ROBO1: variants seen among roughly 807,000 people sequenced by gnomAD.
The protein encoded by ROBO1 is roundabout guidance receptor 1, also known as roundabout homolog 1.
Under a neutral mutation model 195.9 loss-of-function variants are expected in ROBO1, and 149 were observed. That is an observed-to-expected ratio of 0.76 (90% CI 0.67 to 0.87). ROBO1 has a LOEUF of 0.87. ROBO1 is among the 40% of genes least tolerant of loss of function. The pLI is 0.00. For synonymous variants in ROBO1, 816 were observed against 733.2 expected, an observed-to-expected ratio of 1.11 and a Z score of -1.82; for missense variants, 1,933 against 2,068.3, an observed-to-expected ratio of 0.93 and a Z score of 1.27.
At chr3:78,931,492 C>T (rs2039531001) in intron 4 of ROBO1, among the ~76,000 whole-genome samples, 1 of 151,958 alleles carries the variant, frequency 6.6e-6, no homozygotes, top group Non-Finnish European at 1.5e-5. Context: ...GCGATCTGCC[C>T]ACCTCGGCCT....
chr3:79,644,699 A>G (rs1945766629), intron 1 of ROBO1, among the ~76,000 whole-genome samples: 1 of 152,150 alleles, frequency 6.6e-6, no homozygotes, highest in South Asian at 2.1e-4. Flanking sequence ...AATCATATTA[A>G]CATACTAGAC....
At chr3:79,464,968 C>T (rs1937876276) in intron 2 of ROBO1, among the ~76,000 whole-genome samples, 1 of 152,094 alleles carries the variant, frequency 6.6e-6, no homozygotes, top group African/African-American at 2.4e-5. Flanking sequence ...GATTAGAAAG[C>T]AAAGAGGAGA....
At chr3:78,794,036 A>G (rs1168461683) in intron 4 of ROBO1, among the ~76,000 whole-genome samples, 1 of 152,206 alleles carries the variant, frequency 6.6e-6, no homozygotes, top group East Asian at 1.9e-4. Context: ...TGGTCAAATC[A>G]TTTCATATCA....
rs1946565582 is a variant in ROBO1 at position 79,669,340 on chromosome 3, C to A, written c.-50-79379G>T. On this transcript the variant is annotated intron_variant, in intron 1 of 30. Coordinates refer to ENST00000464233, the MANE Select transcript of ROBO1 (RefSeq NM_002941.4). ...CATGTGGAACTGTAAGTAAATTAAA[C>A]CTCTTTGTCTTCCCAGTCTCATACG... is the stretch of plus-strand genomic sequence containing the variant. 1.3e-5 allele frequency among the ~76,000 whole-genome samples: 2 copies of A among 151,848 alleles called. 1 individual carries two copies. Among genetic ancestry groups the A allele is most frequent in the South Asian group, 4.1e-4 (2 of 4,826 alleles).
At chr3:79,559,715 G>A (rs1484372204) in intron 2 of ROBO1, among the ~76,000 whole-genome samples, 4 of 152,060 alleles carry the variant, frequency 2.6e-5, no homozygotes, top group African/African-American at 4.8e-5. Context: ...TCAGGATTTC[G>A]AGACCAGCCT....
rs949212009 is a variant in ROBO1, at chr3:79,454,131, C to T, written c.88+135693G>A. Among the ~76,000 whole-genome samples, 40 of 141,910 alleles carry T rather than the reference C, an allele frequency of 2.8e-4. No individual in the cohort carries two copies. The East Asian group carries it at 7.5e-3, about 26-fold the overall frequency. The allele number at this position is 141,910 out of a possible 152,430, so 93.1% of individuals were successfully genotyped here. A position where few individuals can be genotyped will look rare whatever the true frequency, so the allele number is the denominator to read the frequency against. On this transcript the variant is annotated intron_variant, in intron 2 of 30. Transcript: ENST00000464233. ...AGTTCTAGATTAATTAATTTCATTC[C>T]TTTTTTTTTTTTTTCTCCAAAACAT... is the stretch of plus-strand genomic sequence containing the variant.
chr3:79,355,236 AT>A (rs529800055), intron 2 of ROBO1, among the ~76,000 whole-genome samples: 70 of 152,232 alleles, frequency 4.6e-4, no homozygotes, highest in African/African-American at 1.7e-3. Context: ...ATTTAAAAAA[AT>A]ACTACTAATT....
intron 3 of ROBO1, among the ~76,000 whole-genome samples, chr3:79,096,712 A>G (rs1337542816): frequency 7.3e-5 from 11 of 150,660 alleles, no homozygotes; most frequent in African/African-American, 2.4e-4. Context: ...ATATATGTAT[A>G]TATACATATA....
chr3:79,346,780 T>C (rs1023401072), intron 2 of ROBO1, among the ~76,000 whole-genome samples: 2 of 151,932 alleles, frequency 1.3e-5, no homozygotes, highest in Non-Finnish European at 2.9e-5. Flanking sequence ...ACGTCATTTT[T>C]AAAACTGATC....
At chr3:79,226,463 G>A (rs913281184) in intron 2 of ROBO1, among the ~76,000 whole-genome samples, 3 of 151,826 alleles carry the variant, frequency 2.0e-5, no homozygotes, top group African/African-American at 7.3e-5. Flanking sequence ...CTGTATAGAC[G>A]ATTCTAGCTC....
intron 3 of ROBO1, among the ~76,000 whole-genome samples, chr3:79,085,099 T>C (rs1399444580): frequency 1.3e-5 from 2 of 152,152 alleles, no homozygotes; most frequent in African/African-American, 2.4e-5. Context: ...GTTTGAGAAA[T>C]GTACCTTTGG....
intron 2 of ROBO1, among the ~76,000 whole-genome samples, chr3:79,421,319 A>G (rs573421275): frequency 6.6e-5 from 10 of 152,066 alleles, no homozygotes; most frequent in African/African-American, 2.4e-4. Context: ...ATAAACCCCC[A>G]TGACACACAA....
At chr3:78,692,311 C>T (rs1279171049) in intron 8 of ROBO1, among the ~76,000 whole-genome samples, 1 of 151,940 alleles carries the variant, frequency 6.6e-6, no homozygotes, top group African/African-American at 2.4e-5. Flanking sequence ...ACTCTGTTGC[C>T]CAGGCTGGAG....
chr3:79,492,581 T>C (rs982068464), intron 2 of ROBO1, among the ~76,000 whole-genome samples: 2 of 151,994 alleles, frequency 1.3e-5, no homozygotes, highest in African/African-American at 4.8e-5. Flanking sequence ...CACACATATA[T>C]AAATAAATGT....
Position 78,938,687 on chromosome 3 carries a change from C to G in ROBO1, c.413G>C (p.Ser138Thr), listed in dbSNP as rs1189813626. ...GACATAGACTCCTTCATCAGGTCTACTTTTCCGTCCATGTACTATACGTAA... is the reference window on the plus strand; with the variant it reads ...GACATAGACTCCTTCATCAGGTCTAGTTTTCCGTCCATGTACTATACGTAA... Reference protein sequence around the residue: ...FFLRIVHGRKSRPDEGVYVCV... With the variant: ...FFLRIVHGRKTRPDEGVYVCV... Residue 138 changes from serine (S) to threonine (T), a missense_variant, in exon 4 of 31, where the codon AGT (serine) becomes ACT (threonine). Ser to Thr is a moderately conservative substitution (Grantham distance 58). This residue lies in a region of ROBO1 where 11 missense variants were observed against 26.2 expected (regional missense o/e 0.42). Transcript: ENST00000464233. 8.7e-6 allele frequency: 14 copies of G among 1,613,894 alleles called. No individual in the cohort carries two copies. The highest frequency in any genetic ancestry group is 1.1e-5 in the Non-Finnish European group (13 of 1,179,902).
intron 4 of ROBO1, among the ~76,000 whole-genome samples, chr3:78,825,103 T>A (rs906230674): frequency 4.6e-5 from 7 of 152,308 alleles, no homozygotes; most frequent in African/African-American, 1.7e-4. Context: ...AAATACATGC[T>A]GAGTGAATTA....
intron 2 of ROBO1, among the ~76,000 whole-genome samples, chr3:79,575,498 A>C (rs987313108): frequency 5.0e-5 from 6 of 120,326 alleles, no homozygotes; most frequent in South Asian, 2.5e-4. Flanking sequence ...CAAATATATA[A>C]ATATATATAA....
chr3:79,168,742 T>C (rs540086004), intron 2 of ROBO1, among the ~76,000 whole-genome samples: 1 of 152,266 alleles, frequency 6.6e-6, no homozygotes, highest in East Asian at 1.9e-4. Context: ...GGCACTGTTT[T>C]AGGAGCTTAA....
At chr3:79,211,021 C>T (rs1050103818) in intron 2 of ROBO1, among the ~76,000 whole-genome samples, 1 of 151,934 alleles carries the variant, frequency 6.6e-6, no homozygotes, top group Admixed American at 6.6e-5. Flanking sequence ...ACATTTCAAA[C>T]TATGTAATAG....
Sources: gnomAD v4.1 joint callset for allele counts (sites outside exome capture counted in the v4.1 genomes callset) on GRCh38, gnomAD v4.1.1 for gene constraint, gnomAD v4.1.1 regional missense constraint, MANE v1.5 for transcripts, NCBI Gene and HGNC (gene_info 2026-07-23, HGNC 2026-07-21) for gene names.